Variants in PCDHGB6 observed in about 807,000 individuals in gnomAD.
PCDHGB6 encodes protocadherin gamma-B6.
A neutral mutation model predicts 59.1 loss-of-function variants in PCDHGB6; 51 were observed. The observed-to-expected ratio is 0.86, with a 90% CI of 0.69 to 1.09. The LOEUF (loss-of-function observed/expected upper bound fraction) is 1.09, where lower values mean the gene tolerates loss of function less well. PCDHGB6 is among the 50% of genes least tolerant of loss of function. The pLI is 0.00. For synonymous variants in PCDHGB6, 466 were observed against 495.1 expected, an observed-to-expected ratio of 0.94 and a Z score of 0.78; for missense variants, 1,148 against 1,205.1, an observed-to-expected ratio of 0.95 and a Z score of 0.70.
intron 1 of PCDHGB6, among the ~76,000 whole-genome samples, chr5:141,464,648 G>A (rs776411908): frequency 6.6e-6 from 1 of 152,020 alleles, no homozygotes; most frequent in African/African-American, 2.4e-5. Flanking sequence ...AACCTGATGG[G>A]TAAAAAGATA....
Position 141,487,278 on chromosome 5 carries a change from T to G in PCDHGB6, c.2419-7529T>G. 6 of 1,614,180 alleles carry G rather than the reference T, an allele frequency of 3.7e-6. No individual in the cohort carries two copies. Among genetic ancestry groups the G allele is most frequent in the Non-Finnish European group, 5.1e-6 (6 of 1,180,040 alleles). On this transcript the variant is annotated intron_variant, in intron 1 of 3. Coordinates refer to ENST00000520790, the MANE Select transcript of PCDHGB6 (RefSeq NM_018926.3). The surrounding 1 kb of genome is among the most constrained non-coding windows in gnomAD (Gnocchi z 5.0). Reference sequence around the variant, plus strand: ...GCTGTGTCCCTAGTGGCAATTTGCTTTGTCTCCTTTGGCTCATTCGTGGCA... The same window carrying G: ...GCTGTGTCCCTAGTGGCAATTTGCTGTGTCTCCTTTGGCTCATTCGTGGCA...
intron 1 of PCDHGB6, among the ~76,000 whole-genome samples, chr5:141,473,404 T>A (rs953797915): frequency 6.6e-6 from 1 of 152,226 alleles, no homozygotes; most frequent in Non-Finnish European, 1.5e-5. Flanking sequence ...TCTTTTTTTC[T>A]TCTTCAGTGG....
At position 141,432,015 on chromosome 5, in the gene PCDHGB6, A is replaced by G. The variant is rs745405194; in HGVS notation, c.2418+21395A>G. 6.2e-7 allele frequency: 1 copy of G among 1,614,196 alleles called. No individual in the cohort carries two copies. Among genetic ancestry groups the G allele is most frequent in the Admixed American group, 1.7e-5 (1 of 60,032 alleles). On this transcript the variant is annotated intron_variant, in intron 1 of 3. Coordinates refer to ENST00000520790, the MANE Select transcript of PCDHGB6 (RefSeq NM_018926.3). The surrounding 1 kb of genome is among the most constrained non-coding windows in gnomAD (Gnocchi z 6.0). ...GATAGGGAACAGGTTCCTAGCTACA[A>G]CATCACAGTGACCGCCACTGACCGG...
rs746539261 is a variant in PCDHGB6, at chr5:141,415,336, C to A, written c.2418+4716C>A. On this transcript the variant is annotated intron_variant, in intron 1 of 3. Transcript: ENST00000520790. ...CATCGTGCTGCTGGCGCACAGGCTG[C>A]GGCGCTGGCACAAGTCACGCCTGCT... 7 of 1,614,200 alleles carry A rather than the reference C, an allele frequency of 4.3e-6. 1 individual carries two copies. The South Asian group carries it at 7.7e-5, about 18-fold the overall frequency.
intron 1 of PCDHGB6, chr5:141,441,943 C>CT: frequency 1.2e-5 from 4 of 336,004 alleles, no homozygotes; most frequent in South Asian, 1.1e-4. Flanking sequence ...CTACCACGTG[C>CT]TGCAGGCCAG....
At chr5:141,427,146 AAT>A (rs1561826638) in intron 1 of PCDHGB6, 1 of 456,990 alleles carries the variant, frequency 2.2e-6, no homozygotes, top group Non-Finnish European at 4.4e-6. Context: ...TGATATTGGA[AAT>A]ATGTTTGTGC....
rs536543649 is a variant in PCDHGB6 at position 141,410,466 on chromosome 5, G to T, written c.2264G>T (p.Cys755Phe). Residue 755 changes from cysteine (C) to phenylalanine (F), a missense_variant, in exon 1 of 4, where the codon TGC (cysteine) becomes TTC (phenylalanine). By Grantham distance (205) the Cys-to-Phe change is radical. Around this residue, in one of 5 missense-constraint regions of PCDHGB6, gnomAD observed 283 missense variants for 318.6 expected, o/e 0.89. Coordinates refer to ENST00000520790, the MANE Select transcript of PCDHGB6 (RefSeq NM_018926.3). ...ACTTTGCCTTATTCTTATAATCTGT[G>T]CATTGCACATACGGGTACAAAAGAG... ...EGTLPYSYNL[C>F]IAHTGTKEFN... 2 of 1,613,908 alleles carry T rather than the reference G, an allele frequency of 1.2e-6. No homozygotes were observed. The highest frequency in any genetic ancestry group is 1.1e-5 in the South Asian group (1 of 91,094).
At chr5:141,509,404 A>C (rs1248030362) in intron 3 of PCDHGB6, among the ~76,000 whole-genome samples, 3 of 152,112 alleles carry the variant, frequency 2.0e-5, no homozygotes, top group Non-Finnish European at 4.4e-5. Context: ...CAGGGCCTCC[A>C]GCAGCGAGCC....
At chr5:141,442,694 C>A (rs549307212) in intron 1 of PCDHGB6, among the ~76,000 whole-genome samples, 22 of 152,304 alleles carry the variant, frequency 1.4e-4, no homozygotes, top group Non-Finnish European at 3.1e-4. Flanking sequence ...GTCAGGCAGA[C>A]AAGAGTATCA....
chr5:141,491,454 C>G lies in PCDHGB6; in HGVS notation c.2419-3353C>G. ...GCTGCAGGCGCCAGGACTCACCCTCCCCGGACTTCTATAAGCAGTCCAGCC... is the reference window on the plus strand; with the variant it reads ...GCTGCAGGCGCCAGGACTCACCCTCGCCGGACTTCTATAAGCAGTCCAGCC... On this transcript the variant is annotated intron_variant, in intron 1 of 3. Coordinates refer to ENST00000520790, the MANE Select transcript of PCDHGB6 (RefSeq NM_018926.3). This position sits in a 1 kb window ranked among gnomAD's most constrained non-coding sequence, Gnocchi z 6.9. The G allele has an allele frequency of 6.2e-7, 1 of 1,614,120 alleles. No individual in the cohort carries two copies. Among genetic ancestry groups the G allele is most frequent in the Non-Finnish European group, 8.5e-7 (1 of 1,180,032 alleles).
intron 1 of PCDHGB6, chr5:141,414,994 T>C (rs1390374290): frequency 3.7e-6 from 6 of 1,613,626 alleles, no homozygotes; most frequent in Non-Finnish European, 4.2e-6. Flanking sequence ...CCAGAACGCC[T>C]GGCTGTCCTA....
intron 1 of PCDHGB6, chr5:141,415,377 C>A: frequency 1.2e-6 from 2 of 1,614,236 alleles, no homozygotes; most frequent in Non-Finnish European, 1.7e-6. Flanking sequence ...CTTCAGGAGG[C>A]GGCTTGACAG....
intron 1 of PCDHGB6, among the ~76,000 whole-genome samples, chr5:141,448,344 A>G (rs2098583423): frequency 6.6e-6 from 1 of 152,080 alleles, no homozygotes; most frequent in Admixed American, 6.6e-5. Flanking sequence ...CATGTACCTC[A>G]ATCTTAGTAG....
In PCDHGB6 at chr5:141,432,460, C is replaced by T; in HGVS notation, c.2418+21840C>T. The T allele has an allele frequency of 6.2e-7, 1 of 1,614,208 alleles. No homozygotes were observed. The highest frequency in any genetic ancestry group is 8.5e-7 in the Non-Finnish European group (1 of 1,180,044). On this transcript the variant is annotated intron_variant, in intron 1 of 3. Transcript: ENST00000520790. This position sits in a 1 kb window ranked among gnomAD's most constrained non-coding sequence, Gnocchi z 6.0. ...CGCCCGAGATCCTGTACCCCGCCCTCCCCACGGACGGTTCCACTGGCGTGG... is the reference window on the plus strand; with the variant it reads ...CGCCCGAGATCCTGTACCCCGCCCTTCCCACGGACGGTTCCACTGGCGTGG...
chr5:141,414,995 G>C (rs1431326081), intron 1 of PCDHGB6: 14 of 1,613,640 alleles, frequency 8.7e-6, no homozygotes, highest in Non-Finnish European at 1.2e-5. Context: ...CAGAACGCCT[G>C]GCTGTCCTAC....
intron 1 of PCDHGB6, chr5:141,423,923 G>C: frequency 8.0e-7 from 1 of 1,254,744 alleles, no homozygotes; most frequent in Non-Finnish European, 1.0e-6. Flanking sequence ...CAACTATGCT[G>C]GTTTGGTTTG....
chr5:141,413,263 G>A, intron 1 of PCDHGB6: 1 of 1,613,940 alleles, frequency 6.2e-7, no homozygotes, highest in Admixed American at 1.7e-5. Flanking sequence ...TCCATGGGAG[G>A]CTGGAGCCCG....
chr5:141,413,932 G>T (rs762255781), intron 1 of PCDHGB6: 2 of 1,613,426 alleles, frequency 1.2e-6, no homozygotes, highest in Admixed American at 1.7e-5. Context: ...AGAATACCGA[G>T]TGAGTGTTCC....
chr5:141,454,228 T>C (rs6896225), intron 1 of PCDHGB6, among the ~76,000 whole-genome samples: 1,935 of 152,208 alleles, frequency 0.013, 54 homozygotes, highest in African/African-American at 0.044. Flanking sequence ...AAAGTAATTG[T>C]GATGAAAAGG....
Sources: gnomAD v4.1 joint callset for allele counts (sites outside exome capture counted in the v4.1 genomes callset) on GRCh38, gnomAD v4.1.1 for gene constraint, gnomAD v4.1.1 regional missense constraint, Gnocchi (gnomAD v3.1) non-coding constraint, MANE v1.5 for transcripts, NCBI Gene and HGNC (gene_info 2026-07-23, HGNC 2026-07-21) for gene names.